Variants in NKAIN3 observed in about 807,000 individuals in gnomAD.
The protein encoded by NKAIN3 is sodium/potassium-transporting ATPase subunit beta-1-interacting protein 3.
In NKAIN3, 25 loss-of-function variants were observed where a neutral mutation model predicts 30.2. The observed-to-expected ratio is 0.83, with a 90% CI of 0.60 to 1.16. The LOEUF (loss-of-function observed/expected upper bound fraction) is 1.16. Among genes scored for constraint, NKAIN3 ranks in the 50% most tolerant of loss-of-function variants. The pLI, the probability that NKAIN3 is intolerant of heterozygous loss-of-function variation, is 0.00. For missense variants in NKAIN3, 225 were observed against 254.1 expected (o/e 0.89, Z 0.78); for synonymous variants, 91 against 89.6 (o/e 1.02, Z -0.09).
intron 1 of NKAIN3, among the ~76,000 whole-genome samples, chr8:62,579,018 A>G (rs917863891): frequency 1.3e-5 from 2 of 152,054 alleles, no homozygotes; most frequent in Non-Finnish European, 2.9e-5. Flanking sequence ...AATTTATCAC[A>G]TATTTTAAAA....
chr8:62,502,596 C>T (rs906253640), intron 1 of NKAIN3, among the ~76,000 whole-genome samples: 2 of 151,818 alleles, frequency 1.3e-5, no homozygotes, highest in African/African-American at 2.4e-5. Context: ...TTTTTCTTAA[C>T]TTGCACTTTA....
At chr8:62,473,319 A>G (rs1332310010) in intron 1 of NKAIN3, 1 of 152,192 alleles carries the variant, frequency 6.6e-6, no homozygotes, top group East Asian at 1.9e-4. Context: ...TTACACGATC[A>G]TTTATCATTT....
chr8:62,571,114 A>G (rs1375395699), intron 1 of NKAIN3, among the ~76,000 whole-genome samples: 4 of 150,812 alleles, frequency 2.7e-5, no homozygotes, highest in Admixed American at 2.0e-4. Context: ...ATTTCAAATA[A>G]GTCTTGGGTT....
chr8:62,705,446 C>T (rs1814488007), intron 3 of NKAIN3, among the ~76,000 whole-genome samples: 2 of 152,166 alleles, frequency 1.3e-5, no homozygotes, highest in Non-Finnish European at 2.9e-5. Flanking sequence ...GGGCTCTTTA[C>T]AGGCAAGACA....
In NKAIN3 at chr8:62,863,575, A is replaced by G. The variant is rs138707276; in HGVS notation, c.472-54878A>G. ...CAAGTACTCCCAAGACCATGCAGAC[A>G]TGTATCCCATTCATGCCTGAAATCT... On this transcript the variant is annotated intron_variant, in intron 4 of 6. Coordinates refer to ENST00000623646, the MANE Select transcript of NKAIN3 (RefSeq NM_001304533.3). 3.5e-6 allele frequency: 4 copies of G among 1,159,214 alleles called. No homozygotes were observed. In the East Asian group the frequency reaches 7.1e-5, roughly 20 times the overall value. The allele number at this position is 1,159,214 out of a possible 1,614,324, so 71.8% of individuals were successfully genotyped here. A position where few individuals can be genotyped will look rare whatever the true frequency, so the allele number is the denominator to read the frequency against.
intron 1 of NKAIN3, among the ~76,000 whole-genome samples, chr8:62,296,269 T>G (rs192695310): frequency 1.6e-3 from 241 of 152,256 alleles, no homozygotes; most frequent in Non-Finnish European, 3.0e-3. Flanking sequence ...GAGTGAAAAG[T>G]AGGAGGAGGC....
At chr8:62,325,538 G>A (rs950040135) in intron 1 of NKAIN3, among the ~76,000 whole-genome samples, 11 of 152,022 alleles carry the variant, frequency 7.2e-5, no homozygotes, top group African/African-American at 2.4e-4. Context: ...TCTACTTTTA[G>A]TTCTTTAAGG....
At chr8:62,298,346 C>G (rs914896499) in intron 1 of NKAIN3, among the ~76,000 whole-genome samples, 3 of 152,028 alleles carry the variant, frequency 2.0e-5, no homozygotes, top group Non-Finnish European at 4.4e-5. Context: ...AATAAAGGAT[C>G]TTTCAAAGAA....
intron 5 of NKAIN3, among the ~76,000 whole-genome samples, chr8:62,946,929 G>A (rs915158888): frequency 2.6e-5 from 4 of 152,102 alleles, no homozygotes; most frequent in African/African-American, 7.2e-5. Flanking sequence ...AAAACAAAAC[G>A]CCTACGTTCT....
At chr8:62,796,817 A>ACACAC (rs1554578657) in intron 4 of NKAIN3, among the ~76,000 whole-genome samples, 1,333 of 41,356 alleles carry the variant, frequency 0.032, 15 homozygotes, top group African/African-American at 0.067. Context: ...CACACACACA[A>ACACAC]ATACTCATGA....
At chr8:62,405,245 C>A (rs1287783415) in intron 1 of NKAIN3, among the ~76,000 whole-genome samples, 1 of 152,206 alleles carries the variant, frequency 6.6e-6, no homozygotes, top group African/African-American at 2.4e-5. Flanking sequence ...GGCACAAGCA[C>A]TCCTTTGGCC....
At chr8:62,738,751 A>G (rs927139716) in intron 3 of NKAIN3, among the ~76,000 whole-genome samples, 1 of 152,106 alleles carries the variant, frequency 6.6e-6, no homozygotes. Context: ...GATAAATTGC[A>G]AAAATTTTCT....
intron 4 of NKAIN3, among the ~76,000 whole-genome samples, chr8:62,823,884 A>T (rs187252339): frequency 3.1e-4 from 47 of 152,280 alleles, no homozygotes; most frequent in African/African-American, 1.1e-3. Context: ...GTTGTCTTAC[A>T]TTGGATTCCA....
At chr8:62,666,234 A>C (rs6472040) in intron 3 of NKAIN3, among the ~76,000 whole-genome samples, 12,402 of 151,960 alleles carry the variant, frequency 0.082, 857 homozygotes, top group African/African-American at 0.19. Context: ...TTAATTAATT[A>C]ATTCATTCAT....
At chr8:62,493,228 A>T (rs988206437) in intron 1 of NKAIN3, among the ~76,000 whole-genome samples, 3 of 151,952 alleles carry the variant, frequency 2.0e-5, no homozygotes, top group African/African-American at 4.8e-5. Flanking sequence ...GTTCAATTTC[A>T]ATCTTCTGCA....
At chr8:62,901,083 C>T (rs1262592323) in intron 4 of NKAIN3, among the ~76,000 whole-genome samples, 1 of 152,118 alleles carries the variant, frequency 6.6e-6, no homozygotes, top group Non-Finnish European at 1.5e-5. Flanking sequence ...GACACAAAAT[C>T]TCAGATCCAA....
chr8:62,262,401 C>T (rs558676319), intron 1 of NKAIN3, among the ~76,000 whole-genome samples: 3 of 151,552 alleles, frequency 2.0e-5, no homozygotes, highest in Admixed American at 6.6e-5. Context: ...TCTCACTGTC[C>T]GGATATAATC....
At chr8:62,723,689 A>G (rs779232583) in intron 3 of NKAIN3, among the ~76,000 whole-genome samples, 3 of 152,180 alleles carry the variant, frequency 2.0e-5, no homozygotes, top group Non-Finnish European at 2.9e-5. Context: ...ATACTGTCAC[A>G]TAGAATACTT....
chr8:62,992,516 A>G (rs1267638844), intron 5 of NKAIN3, among the ~76,000 whole-genome samples: 1 of 151,988 alleles, frequency 6.6e-6, no homozygotes, highest in African/African-American at 2.4e-5. Context: ...TTGGGTTGCT[A>G]TGGAAAACAG....
Sources: allele counts gnomAD v4.1 joint callset (sites outside exome capture counted in the v4.1 genomes callset), GRCh38; gene constraint gnomAD v4.1.1; transcripts MANE v1.5; gene names NCBI Gene and HGNC (gene_info 2026-07-23, HGNC 2026-07-21).